RPH3A: variants seen among roughly 807,000 people sequenced by gnomAD.
RPH3A encodes the protein rabphilin-3A.
A neutral mutation model predicts 102.2 loss-of-function variants in RPH3A; 48 were observed. That is an observed-to-expected ratio of 0.47 (90% CI 0.37 to 0.60). RPH3A has a LOEUF of 0.60. Among genes scored for constraint, RPH3A ranks in the 20% least tolerant of loss-of-function variants. The pLI, the probability that RPH3A is intolerant of heterozygous loss-of-function variation, is 0.00. For synonymous variants in RPH3A, 310 were observed against 324.3 expected (o/e 0.96, Z 0.47); for missense variants, 781 against 910.1 (o/e 0.86, Z 1.83).
At chr12:112,777,768 T>C (rs76878265) in intron 1 of RPH3A, among the ~76,000 whole-genome samples, 2 of 152,242 alleles carry the variant, frequency 1.3e-5, no homozygotes, top group Non-Finnish European at 2.9e-5. Context: ...GAGTCAGAAA[T>C]GCAGCACAGG....
chr12:112,741,519 G>A (rs1216280901), intron 1 of RPH3A, among the ~76,000 whole-genome samples: 1 of 152,126 alleles, frequency 6.6e-6, no homozygotes, highest in Non-Finnish European at 1.5e-5. Context: ...GAGAGTTTGG[G>A]GAGAGAGTGA....
intron 5 of RPH3A, among the ~76,000 whole-genome samples, chr12:112,854,036 A>G (rs2042369574): frequency 6.6e-6 from 1 of 152,222 alleles, no homozygotes; most frequent in Admixed American, 6.5e-5. Context: ...TGGATGGGAT[A>G]GTCTTCAAAT....
chr12:112,881,675 C>T (rs1758633948), intron 14 of RPH3A, 97 bp from the exon 15 acceptor site: 1 of 772,496 alleles, frequency 1.3e-6, no homozygotes, highest in East Asian at 2.7e-5. Context: ...CGTGGACCAA[C>T]AGGCAGGACA....
intron 2 of RPH3A, among the ~76,000 whole-genome samples, chr12:112,802,571 C>G (rs2041374616): frequency 1.3e-5 from 2 of 151,842 alleles, no homozygotes; most frequent in African/African-American, 2.4e-5. Context: ...GTATGTGGTG[C>G]TGTGAGTATA....
Position 112,795,743 on chromosome 12 carries a change from T to C in RPH3A, c.-19+3480T>C, listed in dbSNP as rs188859678. On this transcript the variant is annotated intron_variant, in intron 2 of 21. Transcript: ENST00000389385. Reference sequence around the variant, plus strand: ...AGATCTTGATCCTAGCACTTTCTGATTGTGTCACTTCACCTCTCTGGACCT... The same window carrying C: ...AGATCTTGATCCTAGCACTTTCTGACTGTGTCACTTCACCTCTCTGGACCT... Among the ~76,000 whole-genome samples the C allele has an allele frequency of 7.2e-5, 11 of 152,294 alleles. 1 individual carries two copies. Among genetic ancestry groups the C allele is most frequent in the Admixed American group, 6.5e-4 (10 of 15,302 alleles).
intron 1 of RPH3A, among the ~76,000 whole-genome samples, chr12:112,719,431 AT>A (rs2040536980): frequency 6.6e-6 from 1 of 152,160 alleles, no homozygotes; most frequent in Admixed American, 6.5e-5. Flanking sequence ...TTATGCACCA[AT>A]TCCCCATGGT....
intron 1 of RPH3A, among the ~76,000 whole-genome samples, chr12:112,602,516 C>T (rs1850325123): frequency 6.6e-6 from 1 of 152,128 alleles, no homozygotes; most frequent in African/African-American, 2.4e-5. Context: ...CTCATCACTG[C>T]AGAAAGGAGG....
intron 1 of RPH3A, among the ~76,000 whole-genome samples, chr12:112,784,087 A>T (rs553360897): frequency 2.4e-4 from 36 of 152,260 alleles, no homozygotes; most frequent in Middle Eastern, 3.4e-3. Flanking sequence ...GAATTCATTC[A>T]TTTTCCATCA....
At chr12:112,895,061 TTGTC>T (rs1348611423) in intron 20 of RPH3A, among the ~76,000 whole-genome samples, 4 of 152,160 alleles carry the variant, frequency 2.6e-5, no homozygotes, top group African/African-American at 7.2e-5. Context: ...AAAAATCAGA[TTGTC>T]TGGGAACATA....
intron 1 of RPH3A, among the ~76,000 whole-genome samples, chr12:112,741,745 T>A (rs2040710898): frequency 6.6e-6 from 1 of 152,154 alleles, no homozygotes; most frequent in Admixed American, 6.5e-5. Context: ...TCTGGAAACA[T>A]GTGTTGAAGA....
chr12:112,773,107 T>A (rs1239561102), intron 1 of RPH3A, among the ~76,000 whole-genome samples: 1 of 151,804 alleles, frequency 6.6e-6, no homozygotes, highest in Non-Finnish European at 1.5e-5. Flanking sequence ...ATATATATAT[T>A]ATATATATAT....
chr12:112,858,329 G>A (rs1445139378), intron 5 of RPH3A, among the ~76,000 whole-genome samples: 1 of 151,250 alleles, frequency 6.6e-6, no homozygotes, highest in Admixed American at 6.6e-5. Flanking sequence ...AAGGCGGGCG[G>A]GGGTGAAGTT....
chr12:112,578,750 G>A (rs928695757), intron 1 of RPH3A, among the ~76,000 whole-genome samples: 16 of 152,168 alleles, frequency 1.1e-4, no homozygotes, highest in Non-Finnish European at 2.1e-4. Context: ...TACAGGGTCC[G>A]AGCATGAAAT....
intron 1 of RPH3A, among the ~76,000 whole-genome samples, chr12:112,636,935 T>A (rs117746508): frequency 0.038 from 5,799 of 152,220 alleles, 154 homozygotes; most frequent in Non-Finnish European, 0.057. Flanking sequence ...GGGGCCCCCA[T>A]CTGCAGGGCA....
intron 1 of RPH3A, among the ~76,000 whole-genome samples, chr12:112,720,308 A>G (rs2040542197): frequency 6.6e-6 from 1 of 152,248 alleles, no homozygotes. Flanking sequence ...TAATCAAGCT[A>G]GGCATCTGAA....
chr12:112,763,194 T>G (rs2040866216), intron 1 of RPH3A, among the ~76,000 whole-genome samples: 1 of 152,266 alleles, frequency 6.6e-6, no homozygotes, highest in African/African-American at 2.4e-5. Context: ...TGTTGGGCTC[T>G]GGGCATCTAG....
At chr12:112,894,026 A>T (rs936939920) in intron 19 of RPH3A, 1 of 155,040 alleles carries the variant, frequency 6.4e-6, no homozygotes, top group African/African-American at 2.4e-5. Context: ...TTAAGGCCAC[A>T]TGAAGGATTT....
At chr12:112,707,294 C>T (rs529534526) in intron 1 of RPH3A, among the ~76,000 whole-genome samples, 1 of 152,140 alleles carries the variant, frequency 6.6e-6, no homozygotes, top group Non-Finnish European at 1.5e-5. Context: ...TCCTCCTGTC[C>T]CTTCTCCTCC....
chr12:112,783,820 T>A (rs926987186), intron 1 of RPH3A, among the ~76,000 whole-genome samples: 6 of 152,194 alleles, frequency 3.9e-5, no homozygotes, highest in Non-Finnish European at 1.5e-5. Flanking sequence ...AGGTGCTTGG[T>A]GAGTGTCTTA....
Sources: allele counts gnomAD v4.1 joint callset (sites outside exome capture counted in the v4.1 genomes callset), GRCh38; gene constraint gnomAD v4.1.1; transcripts MANE v1.5; gene names NCBI Gene and HGNC (gene_info 2026-07-23, HGNC 2026-07-21).